The following TEP1 variants were observed in gnomAD, a reference collection of about 807,000 sequenced individuals.
The protein encoded by TEP1 is telomerase protein component 1.
Under a neutral mutation model 306.3 loss-of-function variants are expected in TEP1, and 241 were observed. The ratio of observed to expected loss-of-function variants is 0.79; its 90% CI spans 0.71 to 0.88. The LOEUF (loss-of-function observed/expected upper bound fraction) is 0.88. Ranked by LOEUF, TEP1 falls within the 40% of genes least tolerant of loss-of-function variation. The pLI, the probability that TEP1 is intolerant of heterozygous loss-of-function variation, is 0.00. For missense variants in TEP1, 3,051 were observed against 3,276.1 expected, an observed-to-expected ratio of 0.93 and a Z score of 1.68; for synonymous variants, 1,289 against 1,305.5, an observed-to-expected ratio of 0.99 and a Z score of 0.27.
rs1876561919 is a variant in TEP1, at chr14:20,381,771, C to A, written c.4425-85G>T. 6.5e-7 allele frequency: 1 copy of A among 1,533,336 alleles called. No homozygotes were observed. The highest frequency in any genetic ancestry group is 8.7e-7 in the Non-Finnish European group (1 of 1,144,226). The allele number at this position is 1,533,336 out of a possible 1,614,324, so 95.0% of individuals were successfully genotyped here. A position where few individuals can be genotyped will look rare whatever the true frequency, so the allele number is the denominator to read the frequency against. On this transcript the variant is annotated intron_variant, in intron 30 of 54. Transcript: ENST00000262715. This position sits in a 1 kb window ranked among gnomAD's most constrained non-coding sequence, Gnocchi z 4.0. ...GCACACAGTGGGCTCCTATTCCCCCCTCAAATAGCGGAAACTGGAGCAGCT... is the reference window on the plus strand; with the variant it reads ...GCACACAGTGGGCTCCTATTCCCCCATCAAATAGCGGAAACTGGAGCAGCT...
At chr14:20,401,191 TAACTC>T (rs1440167979) in intron 8 of TEP1, 50 bp from the exon 9 acceptor site, 2 of 1,597,730 alleles carry the variant, frequency 1.3e-6, no homozygotes, top group South Asian at 1.1e-5. Context: ...AGCAAGAAAA[TAACTC>T]AGAAAAGGAA....
At chr14:20,377,805 CT>C (rs1885280991) in intron 39 of TEP1, 52 bp from the exon 40 acceptor site, 2 of 1,600,426 alleles carry the variant, frequency 1.2e-6, no homozygotes. Flanking sequence ...CGCGGTCCTC[CT>C]TCCTGTTTTG....
At chr14:20,397,614 T>C (rs920594931) in intron 9 of TEP1, among the ~76,000 whole-genome samples, 1 of 152,248 alleles carries the variant, frequency 6.6e-6, no homozygotes, top group Non-Finnish European at 1.5e-5. Context: ...CAATTTCTTC[T>C]ATTTGATTAG....
intron 15 of TEP1, 73 bp from the exon 16 acceptor site, chr14:20,389,813 C>G: frequency 6.3e-7 from 1 of 1,581,320 alleles, no homozygotes; most frequent in Non-Finnish European, 8.6e-7. Context: ...TATGAGCTTT[C>G]TGAGGACAGG....
chr14:20,373,457 T>C (rs150202894), intron 46 of TEP1, 50 bp downstream of exon 46: 17,143 of 1,613,968 alleles, frequency 0.011, 112 homozygotes, highest in Non-Finnish European at 0.013. Context: ...AGAAGGTTAT[T>C]CCGCATACCT....
intron 1 of TEP1, among the ~76,000 whole-genome samples, chr14:20,409,499 T>A (rs575854405): frequency 6.6e-6 from 1 of 152,254 alleles, no homozygotes; most frequent in African/African-American, 2.4e-5. Context: ...CCGTTGGACA[T>A]CCCCACTGGA....
intron 2 of TEP1, 134 bp downstream of exon 2, chr14:20,407,739 C>A: frequency 1.3e-6 from 1 of 796,986 alleles, no homozygotes; most frequent in East Asian, 2.5e-5. Context: ...ACAAAAGGCA[C>A]CTTAGGAGAG....
At chr14:20,382,385 A>G in intron 28 of TEP1, 29 bp from the exon 29 acceptor site, 1 of 1,586,192 alleles carries the variant, frequency 6.3e-7, no homozygotes, top group Non-Finnish European at 8.6e-7. Context: ...AGCCTTGTTC[A>G]GTGCAGTGGG....
At chr14:20,405,285 C>T (rs1879086990) in intron 4 of TEP1, among the ~76,000 whole-genome samples, 166 bp downstream of exon 4, 1 of 152,146 alleles carries the variant, frequency 6.6e-6, no homozygotes, top group African/African-American at 2.4e-5. Context: ...TTTCCCCACT[C>T]TTCACTGAAC....
chr14:20,391,301 A>G (rs987388799), intron 13 of TEP1, among the ~76,000 whole-genome samples: 12 of 152,170 alleles, frequency 7.9e-5, no homozygotes, highest in Admixed American at 1.3e-4. Context: ...TCCCTGCCCA[A>G]GTTCAACACC....
At position 20,391,778 on chromosome 14, in the gene TEP1, G is replaced by A; in HGVS notation, c.1929-11C>T. ...TCATATTTCCACTGTCTACATGCAAGAAAGACACAGACACAGGGGCTCAGG... is the reference window on the plus strand; with the variant it reads ...TCATATTTCCACTGTCTACATGCAAAAAAGACACAGACACAGGGGCTCAGG... On this transcript the variant is annotated splice_polypyrimidine_tract_variant and intron_variant, in intron 12 of 54. Transcript: ENST00000262715. The A allele has an allele frequency of 6.2e-7, 1 of 1,612,896 alleles. No homozygotes were observed. The highest frequency in any genetic ancestry group is 8.5e-7 in the Non-Finnish European group (1 of 1,179,076).
In TEP1 at chr14:20,384,674, C is replaced by T. The variant is rs369165576; in HGVS notation, c.3147G>A (p.Glu1049=). 6.2e-7 allele frequency: 1 copy of T among 1,613,352 alleles called. No homozygotes were observed. The change falls in exon 22 of 55, where the codon GAG becomes GAA. Residue 1049 remains glutamate (E), a synonymous_variant. Coordinates refer to ENST00000262715, the MANE Select transcript of TEP1 (RefSeq NM_007110.5). ...AGATCCGACGTGCGGCCTCTTCAGA[C>T]TCAGAAACAAAGTCAGATTTCCAGG... ...PDAWKSDFVS[E]SEEAARRISE... is the part of the protein sequence containing the mutation.
intron 7 of TEP1, among the ~76,000 whole-genome samples, chr14:20,402,112 T>C (rs1302754956): frequency 4.6e-5 from 7 of 151,874 alleles, no homozygotes; most frequent in Admixed American, 3.9e-4. Flanking sequence ...TTGAGACCAG[T>C]CTGACCAACA....
chr14:20,383,827 C>A lies in TEP1; in HGVS notation c.3626G>T (p.Gly1209Val), dbSNP rs1290647531. 2.5e-6 allele frequency: 4 copies of A among 1,608,210 alleles called. No individual in the cohort carries two copies. Among genetic ancestry groups the A allele is most frequent in the Non-Finnish European group, 3.4e-6 (4 of 1,179,318 alleles). Residue 1209 changes from glycine to valine, a missense_variant, in exon 25 of 55, where the codon GGT becomes GTT. This residue lies in a region of TEP1 where 1,507 missense variants were observed against 1,550.5 expected (regional missense o/e 0.97). Coordinates refer to ENST00000262715, the MANE Select transcript of TEP1 (RefSeq NM_007110.5). ...FHFSGARPDQ[G>V]LALTLLRRLC... ...GCGTCTGAGCAGAGTGAGGGCAAGACCCTGGTCAGGACGAGCCCCAGAAAA... is the reference window on the plus strand; with the variant it reads ...GCGTCTGAGCAGAGTGAGGGCAAGAACCTGGTCAGGACGAGCCCCAGAAAA...
chr14:20,405,392 T>C (rs1594375396), intron 4 of TEP1, 59 bp downstream of exon 4: 3 of 1,403,674 alleles, frequency 2.1e-6, no homozygotes, highest in East Asian at 2.5e-5. Flanking sequence ...CCACACACCA[T>C]AACCACACTC....
At position 20,368,833 on chromosome 14, in the gene TEP1, C is replaced by A; in HGVS notation, c.7726G>T (p.Asp2576Tyr). Residue 2576 changes from aspartate (D) to tyrosine (Y), a missense_variant, in exon 54 of 55, where the codon GAT becomes TAT. By Grantham distance (160) the Asp-to-Tyr change is radical. Coordinates refer to ENST00000262715, the MANE Select transcript of TEP1 (RefSeq NM_007110.5). ...CTGGGTCTCTCCCATAGCTTAACAT[C>A]TCTGTCCTTCGAAGCTGTCACCAGC... ...ELLVTASKDR[D>Y]VKLWERPSMQ... 6.2e-7 allele frequency: 1 copy of A among 1,613,768 alleles called. No individual in the cohort carries two copies.
Position 20,371,286 on chromosome 14 carries a change from A to G in TEP1, c.7249T>C (p.Leu2417=). 6.8e-6 allele frequency: 11 copies of G among 1,614,202 alleles called. No homozygotes were observed. Among genetic ancestry groups the G allele is most frequent in the Non-Finnish European group, 9.3e-6 (11 of 1,180,040 alleles). ...WSSYTENPMI[L]STHKEYGIFV... is the part of the protein sequence containing the mutation. ...ATGCCATACTCCTTGTGGGTGGACAATATCATAGGATTTTCTGTATAGCTG... is the reference window on the plus strand; with the variant it reads ...ATGCCATACTCCTTGTGGGTGGACAGTATCATAGGATTTTCTGTATAGCTG... The change falls in exon 51 of 55, where the codon TTG becomes CTG. Residue 2417 remains leucine, a synonymous_variant. Coordinates refer to ENST00000262715, the MANE Select transcript of TEP1 (RefSeq NM_007110.5).
In TEP1 at chr14:20,373,588, T is replaced by C. The variant is rs1038550246; in HGVS notation, c.6605-5A>G. On this transcript the variant is annotated splice_polypyrimidine_tract_variant and splice_region_variant and intron_variant, in intron 45 of 54. Transcript: ENST00000262715. The stretch of plus-strand genomic sequence containing the variant: ...GCTCTGACCCAGGCTGTCCAGCTGA[T>C]AAGACACAGAGACTGAGTCAGAAGA... The C allele has an allele frequency of 4.3e-6, 7 of 1,613,998 alleles. No individual in the cohort carries two copies. Among genetic ancestry groups the C allele is most frequent in the Middle Eastern group, 1.6e-4 (1 of 6,084 alleles).
In TEP1 at chr14:20,384,975, C is replaced by T; in HGVS notation, c.3107+10G>A. ...GGAAGGAGCCCCAGCCTGCAGGCAACAGACAGTACCTGAGGAAGCTGGAAT... is the reference window on the plus strand; with the variant it reads ...GGAAGGAGCCCCAGCCTGCAGGCAATAGACAGTACCTGAGGAAGCTGGAAT... On this transcript the variant is annotated intron_variant, in intron 21 of 54. Coordinates refer to ENST00000262715, the MANE Select transcript of TEP1 (RefSeq NM_007110.5). 1 of 1,614,210 alleles carries T rather than the reference C, an allele frequency of 6.2e-7. No individual in the cohort carries two copies. Among genetic ancestry groups the T allele is most frequent in the Non-Finnish European group, 8.5e-7 (1 of 1,180,038 alleles).
Sources: gnomAD v4.1 joint callset for allele counts (sites outside exome capture counted in the v4.1 genomes callset) on GRCh38, gnomAD v4.1.1 for gene constraint, gnomAD v4.1.1 regional missense constraint, Gnocchi (gnomAD v3.1) non-coding constraint, MANE v1.5 for transcripts, NCBI Gene and HGNC (gene_info 2026-07-23, HGNC 2026-07-21) for gene names.